SEMA4D: variants seen among roughly 807,000 people sequenced by gnomAD.
SEMA4D encodes the protein semaphorin 4D, also known as semaphorin-4D.
Under a neutral mutation model 74.8 loss-of-function variants are expected in SEMA4D, and 22 were observed. That is an observed-to-expected ratio of 0.29 (90% CI 0.21 to 0.42). The LOEUF (loss-of-function observed/expected upper bound fraction) is 0.42. Among genes scored for constraint, SEMA4D ranks in the 10% least tolerant of loss-of-function variants. The pLI is 1.00. For synonymous variants in SEMA4D, 445 were observed against 463.7 expected (o/e 0.96, Z 0.52); for missense variants, 937 against 1,118.4 (o/e 0.84, Z 2.31).
At chr9:89,432,689 C>A (rs1353517814) in intron 2 of SEMA4D, among the ~76,000 whole-genome samples, 1 of 151,972 alleles carries the variant, frequency 6.6e-6, no homozygotes, top group South Asian at 2.1e-4. Context: ...AGGGTGGCCA[C>A]TACCAAAAAA....
At chr9:89,431,930 G>T (rs1307823024) in intron 2 of SEMA4D, among the ~76,000 whole-genome samples, 2 of 152,188 alleles carry the variant, frequency 1.3e-5, no homozygotes, top group Non-Finnish European at 1.5e-5. Context: ...TACAGTCAAG[G>T]CCCCAATACG....
chr9:89,479,433 T>A (rs1321776933), intron 1 of SEMA4D: 1 of 154,072 alleles, frequency 6.5e-6, no homozygotes, highest in East Asian at 1.9e-4. Flanking sequence ...CTCAGCCCCG[T>A]CCTCGTTGGG....
intron 1 of SEMA4D, among the ~76,000 whole-genome samples, chr9:89,481,580 C>G (rs1309225700): frequency 2.0e-5 from 3 of 152,212 alleles, no homozygotes; most frequent in African/African-American, 7.2e-5. Context: ...CAGCAGACAC[C>G]CGTGGCGGAT....
At chr9:89,481,830 C>T (rs1201530517) in intron 1 of SEMA4D, among the ~76,000 whole-genome samples, 1 of 152,248 alleles carries the variant, frequency 6.6e-6, no homozygotes, top group Non-Finnish European at 1.5e-5. Flanking sequence ...CTCCTCTTCC[C>T]AGGCATCGCA....
At chr9:89,469,110 T>C (rs1859502806) in intron 1 of SEMA4D, among the ~76,000 whole-genome samples, 1 of 152,160 alleles carries the variant, frequency 6.6e-6, no homozygotes, top group South Asian at 2.1e-4. Flanking sequence ...GGAAATGTTA[T>C]CACTACAGAC....
chr9:89,385,865 T>TGGGGGGGGGGGC, intron 13 of SEMA4D: 5 of 213,330 alleles, frequency 2.3e-5, no homozygotes, highest in South Asian at 1.8e-4. Context: ...CCAGCGTGGA[T>TGGGGGGGGGGGC]GCCCGCCCAC....
At chr9:89,480,638 A>G (rs1824541214) in intron 1 of SEMA4D, among the ~76,000 whole-genome samples, 1 of 152,060 alleles carries the variant, frequency 6.6e-6, no homozygotes, top group Non-Finnish European at 1.5e-5. Context: ...GACTCAGTAC[A>G]CCCTCCGCAG....
intron 1 of SEMA4D, among the ~76,000 whole-genome samples, chr9:89,458,005 C>T (rs925561684): frequency 1.3e-5 from 2 of 152,236 alleles, no homozygotes; most frequent in Admixed American, 1.3e-4. Flanking sequence ...TGCACTCCAG[C>T]CTGGTCGATA....
downstream of SEMA4D, among the ~76,000 whole-genome samples, chr9:89,373,259 T>A (rs1260350779): frequency 6.6e-6 from 1 of 152,152 alleles, no homozygotes; most frequent in Non-Finnish European, 1.5e-5. Flanking sequence ...ACAGGCTATG[T>A]TTTCCCCTGT....
At chr9:89,420,845 T>C (rs1452209725) in intron 2 of SEMA4D, among the ~76,000 whole-genome samples, 2 of 152,248 alleles carry the variant, frequency 1.3e-5, no homozygotes, top group African/African-American at 4.8e-5. Context: ...TAATACTGCC[T>C]GTCTCATTTG....
chr9:89,363,462 C>T (rs1465377773), exon 18 of SEMA4D: 7 of 1,613,826 alleles, frequency 4.3e-6, no homozygotes, highest in East Asian at 2.2e-5. Flanking sequence ...ATCATCCGGT[C>T]GTGCTCCCCA....
intron 1 of SEMA4D, among the ~76,000 whole-genome samples, chr9:89,494,680 T>C (rs1244130844): frequency 6.6e-6 from 1 of 152,138 alleles, no homozygotes; most frequent in Non-Finnish European, 1.5e-5. Context: ...GATGGAGAAT[T>C]TTCAAAGTGC....
intron 13 of SEMA4D, chr9:89,386,037 A>AC (rs1943692432): frequency 2.0e-6 from 2 of 985,070 alleles, no homozygotes; most frequent in South Asian, 4.7e-5. Context: ...CAGTCTGCAC[A>AC]CCCCCCAAGC....
intron 1 of SEMA4D, among the ~76,000 whole-genome samples, chr9:89,478,415 C>T (rs1563985014): frequency 6.6e-6 from 1 of 152,034 alleles, no homozygotes; most frequent in Admixed American, 6.6e-5. Context: ...AGGACGGAGG[C>T]CCCCCTAGAG....
chr9:89,417,602 G>T (rs761053026), intron 2 of SEMA4D, among the ~76,000 whole-genome samples: 5 of 152,206 alleles, frequency 3.3e-5, no homozygotes, highest in African/African-American at 9.6e-5. Context: ...GGCTTGGAAC[G>T]GACCAAAATT....
chr9:89,392,390 C>T (rs374638607), intron 8 of SEMA4D, 33 bp downstream of exon 8: 18 of 1,482,518 alleles, frequency 1.2e-5, no homozygotes, highest in Non-Finnish European at 1.5e-5. Context: ...AGGAGACACG[C>T]ACCTCCCACT....
intron 2 of SEMA4D, among the ~76,000 whole-genome samples, chr9:89,444,493 C>T (rs1043756232): frequency 6.6e-6 from 1 of 152,268 alleles, no homozygotes; most frequent in Admixed American, 6.5e-5. Context: ...GATGGAGGAT[C>T]CCCAGACGGA....
chr9:89,384,813 GCA>G (rs2132915030), intron 13 of SEMA4D: 1 of 985,370 alleles, frequency 1.0e-6, no homozygotes, highest in South Asian at 4.7e-5. Context: ...GGGTCAGGCG[GCA>G]CAGTCTTTTT....
intron 2 of SEMA4D, among the ~76,000 whole-genome samples, chr9:89,416,433 T>C (rs1845720460): frequency 6.9e-6 from 1 of 144,526 alleles, no homozygotes; most frequent in Admixed American, 6.9e-5. Context: ...TGTGAGCCCA[T>C]CACACCGAAG....
Sources: gnomAD v4.1 joint callset for allele counts (sites outside exome capture counted in the v4.1 genomes callset) on GRCh38, gnomAD v4.1.1 for gene constraint, MANE v1.5 for transcripts, NCBI Gene and HGNC (gene_info 2026-07-23, HGNC 2026-07-21) for gene names.